The following FBXO21 variants were observed in gnomAD, a reference collection of about 807,000 sequenced individuals.
The protein encoded by FBXO21 is F-box protein 21.
Under a neutral mutation model 76.6 loss-of-function variants are expected in FBXO21, and 32 were observed. That is an observed-to-expected ratio of 0.42 (90% CI 0.32 to 0.56). The LOEUF is 0.56. Ranked by LOEUF, FBXO21 falls within the 20% of genes least tolerant of loss-of-function variation. The pLI, the probability that FBXO21 is intolerant of heterozygous loss-of-function variation, is 0.16. For missense variants in FBXO21, 586 were observed against 797.3 expected (o/e 0.73, Z 3.19); for synonymous variants, 328 against 311.5 (o/e 1.05, Z -0.56).
At chr12:117,187,289 G>A (rs1012546257) in intron 2 of FBXO21, among the ~76,000 whole-genome samples, 17 of 148,856 alleles carry the variant, frequency 1.1e-4, no homozygotes, top group Admixed American at 2.7e-4. Context: ...GCGTAGTGGC[G>A]CATGCCAGTA....
At position 117,167,087 on chromosome 12, in the gene FBXO21, G is replaced by C. The variant is rs1592882916; in HGVS notation, c.1014-10C>G. ...GATGTCCAGGGTCGCCCTATCCAAAGAGCCAAATATCAGATGAGAGCTGAA... is the reference window on the plus strand; with the variant it reads ...GATGTCCAGGGTCGCCCTATCCAAACAGCCAAATATCAGATGAGAGCTGAA... On this transcript the variant is annotated splice_polypyrimidine_tract_variant and intron_variant, in intron 7 of 11. Coordinates refer to ENST00000622495, the MANE Select transcript of FBXO21 (RefSeq NM_015002.3). 1 of 1,611,644 alleles carries C rather than the reference G, an allele frequency of 6.2e-7. No individual in the cohort carries two copies. The highest frequency in any genetic ancestry group is 8.5e-7 in the Non-Finnish European group (1 of 1,178,564).
At chr12:117,185,457 T>C (rs929942609) in intron 3 of FBXO21, among the ~76,000 whole-genome samples, 1 of 152,252 alleles carries the variant, frequency 6.6e-6, no homozygotes, top group Non-Finnish European at 1.5e-5. Flanking sequence ...CTTCCATCAC[T>C]AGAAAGTTTT....
chr12:117,177,782 A>G, intron 3 of FBXO21, 141 bp from the exon 4 acceptor site: 1 of 644,408 alleles, frequency 1.6e-6, no homozygotes, highest in Non-Finnish European at 2.6e-6. Context: ...TAATGGAAAT[A>G]GCAGTCTTTG....
At chr12:117,155,127 C>G (rs1450138063) in intron 11 of FBXO21, 1 of 152,318 alleles carries the variant, frequency 6.6e-6, no homozygotes, top group Admixed American at 6.5e-5. Context: ...CAGACATACA[C>G]TGAATTCATC....
intron 7 of FBXO21, among the ~76,000 whole-genome samples, chr12:117,169,110 T>C (rs1249477763): frequency 6.6e-6 from 1 of 152,228 alleles, no homozygotes; most frequent in Non-Finnish European, 1.5e-5. Context: ...AAAGAAAATA[T>C]GACACATATA....
Position 117,186,525 on chromosome 12 carries a change from T to C in FBXO21, c.422A>G (p.Glu141Gly). 1 of 1,613,550 alleles carries C rather than the reference T, an allele frequency of 6.2e-7. No individual in the cohort carries two copies. Among genetic ancestry groups the C allele is most frequent in the Non-Finnish European group, 8.5e-7 (1 of 1,179,844 alleles). Residue 141 changes from glutamate (E) to glycine (G), a missense_variant, in exon 3 of 12, where the codon GAG becomes GGG. Coordinates refer to ENST00000622495, the MANE Select transcript of FBXO21 (RefSeq NM_015002.3). ...CACCAGTTCATCCTCAAAAAAAATC[T>C]CTGGTCCTTCAAGGTTCTCAATGTC... ...FSDIENLEGP[E>G]IFFEDELVCI...
chr12:117,147,499 T>C (rs1955788210), intron 11 of FBXO21, among the ~76,000 whole-genome samples: 1 of 139,368 alleles, frequency 7.2e-6, no homozygotes, highest in South Asian at 2.2e-4. Context: ...CTTGGGAGGC[T>C]GAGGCAGAGA....
rs11068362 is a variant in FBXO21 at position 117,142,282 on chromosome 12, T to G, written c.*3805A>C. ...GACCACCTGTATTCCACATCCGGCT[T>G]CCCACCCACGCACACGCAGTATGAC... On this transcript the variant is annotated 3_prime_UTR_variant, in exon 12 of 12. Transcript: ENST00000622495. The G allele has an allele frequency of 2.1e-4, 32 of 152,268 alleles. No homozygotes were observed. In the East Asian group the frequency reaches 6.0e-3, roughly 29 times the overall value. 9.4% of individuals were successfully genotyped at this position (152,268 alleles called of 1,614,324 possible). A position where few individuals can be genotyped will look rare whatever the true frequency, so the allele number is the denominator to read the frequency against.
rs1284735640 is a variant in FBXO21 at position 117,147,289 on chromosome 12, GGAAAAAAAAAAAAAAAAA to G, written c.1676-1030_1676-1013del. ...AAATAGAAAATAAGACTGAAAAAATGGAAAAAAAAAAAAAAAAAGAAAAAAAAAAGGGCCAGGTGCAGT... is the reference window on the plus strand; with the variant it reads ...AAATAGAAAATAAGACTGAAAAAATGGAAAAAAAAAAGGGCCAGGTGCAGT... On this transcript the variant is annotated intron_variant, in intron 11 of 11. Coordinates refer to ENST00000622495, the MANE Select transcript of FBXO21 (RefSeq NM_015002.3). Among the ~76,000 whole-genome samples, 267 of 79,332 alleles carry G rather than the reference GGAAAAAAAAAAAAAAAAA, an allele frequency of 3.4e-3. 2 individuals are homozygous for G. Among genetic ancestry groups the G allele is most frequent in the Middle Eastern group, 0.021 (2 of 96 alleles). The allele number at this position is 79,332 out of a possible 152,430, so 52.0% of individuals were successfully genotyped here.
chr12:117,167,458 G>A (rs1186356393), intron 7 of FBXO21, among the ~76,000 whole-genome samples: 1 of 152,124 alleles, frequency 6.6e-6, no homozygotes, highest in Non-Finnish European at 1.5e-5. Flanking sequence ...GAAAGTTACA[G>A]AACCTCAGCC....
chr12:117,177,455 G>A, intron 4 of FBXO21, 65 bp downstream of exon 4: 1 of 1,496,192 alleles, frequency 6.7e-7, no homozygotes, highest in South Asian at 1.3e-5. Flanking sequence ...CCCTCTGCTG[G>A]TCTTAAAAAA....
intron 2 of FBXO21, chr12:117,188,959 C>T (rs910879804): frequency 2.4e-4 from 101 of 424,634 alleles, no homozygotes; most frequent in Non-Finnish European, 6.8e-5. Flanking sequence ...TGGACTCCGT[C>T]TACATTGTGC....
intron 2 of FBXO21, among the ~76,000 whole-genome samples, chr12:117,188,596 A>C (rs1956310698): frequency 6.6e-6 from 1 of 150,960 alleles, no homozygotes; most frequent in South Asian, 2.1e-4. Context: ...GGAAAGAAAA[A>C]AAGAAAACAA....
rs956349430 is a variant in FBXO21, at chr12:117,143,992, G to A, written c.*2095C>T. The A allele has an allele frequency of 3.3e-5, 5 of 152,670 alleles. No individual in the cohort carries two copies. Among genetic ancestry groups the A allele is most frequent in the South Asian group, 2.1e-4 (1 of 4,826 alleles). 9.5% of individuals were successfully genotyped at this position (152,670 alleles called of 1,614,324 possible). On this transcript the variant is annotated 3_prime_UTR_variant, in exon 12 of 12. Coordinates refer to ENST00000622495, the MANE Select transcript of FBXO21 (RefSeq NM_015002.3). ...TATTAGAGTACAGGATCCAAAACAC[G>A]TTTTTAGAAAAATATAAAGTGCCCA...
chr12:117,157,379 T>C lies in FBXO21; in HGVS notation c.1517+494A>G, dbSNP rs138659656. Among the ~76,000 whole-genome samples, 1,274 of 152,294 alleles carry C rather than the reference T, an allele frequency of 8.4e-3. 12 individuals carry two copies. Among genetic ancestry groups the C allele is most frequent in the African/African-American group, 0.029 (1,207 of 41,556 alleles). On this transcript the variant is annotated intron_variant, in intron 10 of 11. Transcript: ENST00000622495. ...TCAGGTAAGTACACTTTTAAAGGTC[T>C]GGCAATAGCACCAGGCGAGAATAGG...
chr12:117,149,165 T>C (rs73206036), intron 11 of FBXO21, among the ~76,000 whole-genome samples: 27,187 of 151,836 alleles, frequency 0.18, 3,126 homozygotes, highest in Admixed American at 0.34. Flanking sequence ...GGCCTTTGGA[T>C]TTTCTTTTCT....
At chr12:117,167,149 A>ATGATTTGAGCT in intron 7 of FBXO21, 72 bp from the exon 8 acceptor site, 1 of 1,158,392 alleles carries the variant, frequency 8.6e-7, no homozygotes, top group Non-Finnish European at 1.3e-6. Flanking sequence ...TAAGTAGCTC[A>ATGATTTGAGCT]AATCATGGGC....
chr12:117,147,899 T>C (rs1391715455), intron 11 of FBXO21, among the ~76,000 whole-genome samples: 1 of 152,226 alleles, frequency 6.6e-6, no homozygotes, highest in Non-Finnish European at 1.5e-5. Context: ...AAGCCATCCT[T>C]GGCACTGCCC....
At chr12:117,166,483 CAGTT>C (rs1956055238) in intron 8 of FBXO21, among the ~76,000 whole-genome samples, 1 of 152,088 alleles carries the variant, frequency 6.6e-6, no homozygotes, top group Admixed American at 6.6e-5. Context: ...CTCAATTTTG[CAGTT>C]AGTCTAAAAC....
Sources: allele counts gnomAD v4.1 joint callset (sites outside exome capture counted in the v4.1 genomes callset), GRCh38; gene constraint gnomAD v4.1.1; transcripts MANE v1.5; gene names NCBI Gene and HGNC (gene_info 2026-07-23, HGNC 2026-07-21).